Variants in TDRD1 observed in about 807,000 individuals in gnomAD.
TDRD1 encodes the protein tudor domain-containing protein 1.
TDRD1 carries 37 observed loss-of-function variants against 140.6 expected under a neutral mutation model. The observed-to-expected ratio is 0.26, with a 90% CI of 0.20 to 0.35. TDRD1 has a LOEUF of 0.35. Ranked by LOEUF, TDRD1 falls within the 10% of genes least tolerant of loss-of-function variation. The pLI is 1.00. For missense variants in TDRD1, 1,243 were observed against 1,393.0 expected, an observed-to-expected ratio of 0.89 and a Z score of 1.71; for synonymous variants, 506 against 475.7, an observed-to-expected ratio of 1.06 and a Z score of -0.83.
chr10:114,228,023 C>T lies in TDRD1; in HGVS notation c.3451-15C>T. Reference sequence around the variant, plus strand: ...TTTTAGAAATTAAATCATATGGTTTCTTTTTCACCCACAGGTTGAAAAACA... The same window carrying T: ...TTTTAGAAATTAAATCATATGGTTTTTTTTTCACCCACAGGTTGAAAAACA... On this transcript the variant is annotated splice_polypyrimidine_tract_variant and intron_variant, in intron 24 of 25. Coordinates refer to ENST00000251864, the Ensembl canonical transcript of TDRD1. The T allele has an allele frequency of 1.9e-6, 3 of 1,609,950 alleles. No homozygotes were observed. The highest frequency in any genetic ancestry group is 2.5e-6 in the Non-Finnish European group (3 of 1,178,206).
chr10:114,218,766 G>A (rs1052213953), intron 18 of TDRD1, among the ~76,000 whole-genome samples, 182 bp downstream of exon 18: 3 of 152,142 alleles, frequency 2.0e-5, no homozygotes, highest in Non-Finnish European at 4.4e-5. Flanking sequence ...GTAGGGAAGC[G>A]GCTCCTTTAC....
chr10:114,217,475 T>C (rs968498663), intron 16 of TDRD1, 70 bp from the exon 17 acceptor site: 21 of 855,920 alleles, frequency 2.5e-5, no homozygotes, highest in Non-Finnish European at 3.6e-5. Flanking sequence ...GTTTTCTGAC[T>C]TTAAAGGAAA....
rs559981740 is a variant in TDRD1, at chr10:114,208,667, T to G, written c.1385-1914T>G. The stretch of plus-strand genomic sequence containing the variant: ...GAACATCTTCTGTCTCCTACAAGAT[T>G]TAGACTATCTAGAGGCAAAGACTGT... On this transcript the variant is annotated intron_variant, in intron 11 of 25. Coordinates refer to ENST00000251864, the Ensembl canonical transcript of TDRD1. Among the ~76,000 whole-genome samples, 10 of 152,192 alleles carry G rather than the reference T, an allele frequency of 6.6e-5. 1 individual carries two copies. Among genetic ancestry groups the G allele is most frequent in the Admixed American group, 6.5e-4 (10 of 15,282 alleles).
At chr10:114,218,816 A>G (rs1294364739) in intron 18 of TDRD1, among the ~76,000 whole-genome samples, 1 of 152,238 alleles carries the variant, frequency 6.6e-6, no homozygotes, top group Non-Finnish European at 1.5e-5. Context: ...TCTGGAAGGC[A>G]TTGGCAGGAT....
intron 1 of TDRD1, among the ~76,000 whole-genome samples, chr10:114,180,441 C>G (rs775104569): frequency 1.6e-4 from 24 of 152,170 alleles, no homozygotes; most frequent in Non-Finnish European, 2.8e-4. Flanking sequence ...CGAAGCGTTG[C>G]GTTTTGTCTG....
In TDRD1 at chr10:114,197,509, C is replaced by T. The variant is rs77031775; in HGVS notation, c.385-1664C>T. On this transcript the variant is annotated intron_variant, in intron 3 of 25. Coordinates refer to ENST00000251864, the Ensembl canonical transcript of TDRD1. The stretch of plus-strand genomic sequence containing the variant: ...AACATATTGATGACTGCTTTACAAT[C>T]TTTATAGATAAATGAACATTTTTGT... Among the ~76,000 whole-genome samples the T allele has an allele frequency of 2.0e-3, 297 of 150,184 alleles. 1 individual carries two copies. Among genetic ancestry groups the T allele is most frequent in the Non-Finnish European group, 3.8e-3 (255 of 67,694 alleles).
chr10:114,231,244 A>G (rs1408762977), intron 25 of TDRD1, among the ~76,000 whole-genome samples: 2 of 152,172 alleles, frequency 1.3e-5, no homozygotes, highest in Non-Finnish European at 1.5e-5. Flanking sequence ...GATATCTTTT[A>G]TATATAAGGA....
intron 22 of TDRD1, 21 bp downstream of exon 22, chr10:114,226,237 C>T (rs1163433671): frequency 1.1e-5 from 18 of 1,570,314 alleles, no homozygotes; most frequent in Non-Finnish European, 1.6e-5. Flanking sequence ...AAGTCACTTT[C>T]CAATTTAGGT....
chr10:114,225,849 C>T (rs117035601), intron 21 of TDRD1, among the ~76,000 whole-genome samples, 200 bp from the exon 22 acceptor site: 2,910 of 148,318 alleles, frequency 0.02, 58 homozygotes, highest in Non-Finnish European at 0.026. Context: ...AGAGCCAGAC[C>T]CTGTCTCAAA....
intron 3 of TDRD1, among the ~76,000 whole-genome samples, chr10:114,191,705 A>G (rs2033978365): frequency 6.6e-6 from 1 of 152,196 alleles, no homozygotes; most frequent in Non-Finnish European, 1.5e-5. Context: ...TTTTATATGA[A>G]CACGTTTTTA....
At chr10:114,225,275 G>A (rs1287080435) in intron 21 of TDRD1, among the ~76,000 whole-genome samples, 2 of 152,290 alleles carry the variant, frequency 1.3e-5, no homozygotes, top group East Asian at 3.9e-4. Context: ...ATGAGTGTAT[G>A]AACCAAAGCC....
chr10:114,183,075 AAAT>A (rs1395047198), intron 1 of TDRD1, among the ~76,000 whole-genome samples: 1 of 152,212 alleles, frequency 6.6e-6, no homozygotes, highest in Non-Finnish European at 1.5e-5. Context: ...AGATTTTTAA[AAAT>A]AAGAGTTCCT....
chr10:114,205,045 G>T, intron 10 of TDRD1, 152 bp downstream of exon 10: 1 of 597,134 alleles, frequency 1.7e-6, no homozygotes. Flanking sequence ...TTGGCAGTTT[G>T]TCAAAGACAT....
intron 11 of TDRD1, among the ~76,000 whole-genome samples, chr10:114,207,938 A>T (rs1349189914): frequency 2.6e-5 from 4 of 152,052 alleles, no homozygotes; most frequent in African/African-American, 9.7e-5. Flanking sequence ...ATTAGGTGTG[A>T]TAGAGAAGTG....
At position 114,192,292 on chromosome 10, in the gene TDRD1, C is replaced by CTTT. The variant is rs938140798; in HGVS notation, c.384+1300_384+1302dup. Among the ~76,000 whole-genome samples, 684 of 75,100 alleles carry CTTT rather than the reference C, an allele frequency of 9.1e-3. 96 individuals are homozygous for CTTT. The highest frequency in any genetic ancestry group is 0.034 in the African/African-American group (575 of 16,968). 49.3% of individuals were successfully genotyped at this position (75,100 alleles called of 152,430 possible). On this transcript the variant is annotated intron_variant, in intron 3 of 25. Coordinates refer to ENST00000251864, the Ensembl canonical transcript of TDRD1. ...TCCCCAAAAAAGTTTGATAGTTTTC[C>CTTT]TTTTTTTTTTTTTTTTTTTTTTTTT...
At chr10:114,203,699 G>A (rs1339518290) in intron 8 of TDRD1, 132 bp downstream of exon 8, 2 of 786,916 alleles carry the variant, frequency 2.5e-6, no homozygotes, top group Non-Finnish European at 3.9e-6. Context: ...TTCCTCTTCA[G>A]TATCCCGTGC....
At chr10:114,202,328 A>G (rs987242767) in intron 6 of TDRD1, 30 bp downstream of exon 6, 3 of 1,425,830 alleles carry the variant, frequency 2.1e-6, no homozygotes, top group African/African-American at 2.8e-5. Flanking sequence ...TAAATTTTGA[A>G]TAACTCCTCT....
At chr10:114,219,987 G>A (rs1183948204) in intron 18 of TDRD1, among the ~76,000 whole-genome samples, 1 of 152,130 alleles carries the variant, frequency 6.6e-6, no homozygotes, top group African/African-American at 2.4e-5. Flanking sequence ...GTTAATAACT[G>A]CAGATTTTCA....
chr10:114,206,921 A>G (rs1446101835), intron 11 of TDRD1, among the ~76,000 whole-genome samples: 1 of 151,082 alleles, frequency 6.6e-6, no homozygotes, highest in African/African-American at 2.4e-5. Flanking sequence ...CTGCCAAGTT[A>G]GGGCTTTTTA....
Sources: gnomAD v4.1 joint callset for allele counts (sites outside exome capture counted in the v4.1 genomes callset) on GRCh38, gnomAD v4.1.1 for gene constraint, MANE v1.5 for transcripts, NCBI Gene and HGNC (gene_info 2026-07-23, HGNC 2026-07-21) for gene names.